The following MSI2 variants were observed in gnomAD, a reference collection of about 807,000 sequenced individuals.
The protein encoded by MSI2 is musashi RNA binding protein 2.
MSI2 carries 17 observed loss-of-function variants against 45.6 expected under a neutral mutation model. That is an observed-to-expected ratio of 0.37 (90% CI 0.26 to 0.56). MSI2 has a LOEUF of 0.56. Ranked by LOEUF, MSI2 falls within the 20% of genes least tolerant of loss-of-function variation. MSI2 has a pLI of 0.77. For synonymous variants in MSI2, 156 were observed against 158.2 expected, an observed-to-expected ratio of 0.99 and a Z score of 0.11; for missense variants, 293 against 444.2, an observed-to-expected ratio of 0.66 and a Z score of 3.06.
At chr17:57,466,766 C>G (rs1375473420) in intron 6 of MSI2, among the ~76,000 whole-genome samples, 1 of 131,514 alleles carries the variant, frequency 7.6e-6, no homozygotes, top group East Asian at 2.3e-4. Flanking sequence ...TCACTATACT[C>G]TCATCCCCTC....
intron 6 of MSI2, among the ~76,000 whole-genome samples, chr17:57,437,705 C>G (rs1050668300): frequency 1.9e-4 from 29 of 151,884 alleles, no homozygotes; most frequent in Admixed American, 1.4e-3. Flanking sequence ...AACAGAGAAC[C>G]CTACAAGTTC....
At chr17:57,568,240 T>C (rs904649829) in intron 7 of MSI2, among the ~76,000 whole-genome samples, 2 of 152,156 alleles carry the variant, frequency 1.3e-5, no homozygotes, top group Non-Finnish European at 2.9e-5. Flanking sequence ...AAATGAAAGA[T>C]GCTTTAGTTT....
chr17:57,257,029 T>G (rs1201790182), intron 1 of MSI2, 69 bp from the exon 2 acceptor site: 2 of 1,595,118 alleles, frequency 1.3e-6, no homozygotes, highest in Non-Finnish European at 8.5e-7. Flanking sequence ...CTTTTAGCTT[T>G]TGTAAGTTAC....
intron 13 of MSI2, among the ~76,000 whole-genome samples, chr17:57,678,600 G>GA (rs1913402441): frequency 6.6e-6 from 1 of 150,958 alleles, no homozygotes; most frequent in Non-Finnish European, 1.5e-5. Context: ...CCCTGGAAGA[G>GA]AAGGAGTGGT....
chr17:57,369,558 A>G (rs1425740025), intron 5 of MSI2, among the ~76,000 whole-genome samples: 1 of 152,218 alleles, frequency 6.6e-6, no homozygotes, highest in Non-Finnish European at 1.5e-5. Flanking sequence ...TGGGGCACAC[A>G]CTTTCTCAGC....
intron 13 of MSI2, among the ~76,000 whole-genome samples, chr17:57,677,315 C>A (rs1913303883): frequency 2.0e-5 from 3 of 152,130 alleles, no homozygotes; most frequent in Admixed American, 2.0e-4. Context: ...TCTTTGGATT[C>A]TTTTTCTGTA....
At chr17:57,665,852 GC>G (rs747400722) in intron 11 of MSI2, among the ~76,000 whole-genome samples, 2 of 152,182 alleles carry the variant, frequency 1.3e-5, no homozygotes, top group African/African-American at 2.4e-5. Flanking sequence ...CTCTGGCAGT[GC>G]CCTCTCTGCT....
In MSI2 at chr17:57,548,713, G is replaced by C. The variant is rs543925785; in HGVS notation, c.454+18989G>C. ...CGGGTGGGGGTGGTGCAGAGGGAGA[G>C]GGTTTGCTCTCAAACTCCACTTCAT... On this transcript the variant is annotated intron_variant, in intron 7 of 13. Transcript: ENST00000284073. Among the ~76,000 whole-genome samples the C allele has an allele frequency of 1.7e-3, 264 of 152,120 alleles. 2 individuals are homozygous for C. The highest frequency in any genetic ancestry group is 6.8e-3 in the Middle Eastern group (2 of 294).
chr17:57,381,212 T>G (rs2083592003), intron 5 of MSI2, among the ~76,000 whole-genome samples: 1 of 151,972 alleles, frequency 6.6e-6, no homozygotes, highest in Admixed American at 6.6e-5. Context: ...GGACTACAGG[T>G]GTACCACCAC....
At position 57,457,459 on chromosome 17, in the gene MSI2, A is replaced by G. The variant is rs189395475; in HGVS notation, c.405+55988A>G. On this transcript the variant is annotated intron_variant, in intron 6 of 13. Transcript: ENST00000284073. ...TTTCTAAGAGCTGGTTAAGGTAGGTAATGATTCCTTATTTGGCCAATGAAC... is the reference window on the plus strand; with the variant it reads ...TTTCTAAGAGCTGGTTAAGGTAGGTGATGATTCCTTATTTGGCCAATGAAC... Among the ~76,000 whole-genome samples, 411 of 152,338 alleles carry G rather than the reference A, an allele frequency of 2.7e-3. 2 individuals carry two copies. The highest frequency in any genetic ancestry group is 9.5e-3 in the African/African-American group (394 of 41,572).
intron 6 of MSI2, among the ~76,000 whole-genome samples, chr17:57,430,483 G>A (rs911771017): frequency 6.6e-6 from 1 of 152,166 alleles, no homozygotes; most frequent in African/African-American, 2.4e-5. Flanking sequence ...TGGCAAATGG[G>A]GGCTCAGGAA....
chr17:57,691,212 TATCTATC>T, the MSI2 span, among the ~76,000 whole-genome samples: 1 of 113,354 alleles, frequency 8.8e-6, no homozygotes, highest in Non-Finnish European at 1.9e-5. Flanking sequence ...TCTATCTATC[TATCTATC>T]TATCTATCTA....
chr17:57,297,175 C>T (rs988539541), intron 5 of MSI2, among the ~76,000 whole-genome samples: 2 of 146,934 alleles, frequency 1.4e-5, no homozygotes, highest in Non-Finnish European at 3.0e-5. Flanking sequence ...CATGCTGGGC[C>T]CAGTTTTTTT....
chr17:57,641,451 T>C (rs1161095584), intron 10 of MSI2, among the ~76,000 whole-genome samples: 1 of 151,918 alleles, frequency 6.6e-6, no homozygotes, highest in Non-Finnish European at 1.5e-5. Context: ...AGAGAGAGTG[T>C]AAGATTTCAG....
At chr17:57,309,471 A>G (rs576638572) in intron 5 of MSI2, among the ~76,000 whole-genome samples, 14 of 152,314 alleles carry the variant, frequency 9.2e-5, no homozygotes, top group Admixed American at 2.0e-4. Flanking sequence ...GCCACTTGTT[A>G]TATATCCCTA....
At chr17:57,632,373 A>G in intron 10 of MSI2, 4 of 1,066,214 alleles carry the variant, frequency 3.8e-6, no homozygotes, top group Non-Finnish European at 4.5e-6. Flanking sequence ...TATAAACACT[A>G]TCTGACTATC....
rs1913695927 is a variant in MSI2 at position 57,682,793 on chromosome 17, A to G, written c.*3276A>G. The G allele has an allele frequency of 4.5e-6, 1 of 224,048 alleles. No individual in the cohort carries two copies. The highest frequency in any genetic ancestry group is 6.5e-5 in the East Asian group (1 of 15,502). 13.9% of individuals were successfully genotyped at this position (224,048 alleles called of 1,614,324 possible). On this transcript the variant is annotated 3_prime_UTR_variant, in exon 14 of 14. Transcript: ENST00000284073. ...TTTTCCCCGGAATTATCAAACAGCC[A>G]CCGGGTGACTTTCTGGCTTCCAGAT...
intron 6 of MSI2, among the ~76,000 whole-genome samples, chr17:57,492,243 T>C (rs1397626799): frequency 6.6e-6 from 1 of 152,238 alleles, no homozygotes; most frequent in Non-Finnish European, 1.5e-5. Context: ...TGAGACATTC[T>C]ATATGAGTAC....
At chr17:57,288,920 A>G (rs894763296) in intron 5 of MSI2, among the ~76,000 whole-genome samples, 1 of 152,198 alleles carries the variant, frequency 6.6e-6, no homozygotes, top group Non-Finnish European at 1.5e-5. Context: ...AGATGCCAGT[A>G]GCAATCCCTC....
Sources: allele counts gnomAD v4.1 joint callset (sites outside exome capture counted in the v4.1 genomes callset), GRCh38; gene constraint gnomAD v4.1.1; transcripts MANE v1.5; gene names NCBI Gene and HGNC (gene_info 2026-07-23, HGNC 2026-07-21).